FBXL17: variants seen among roughly 807,000 people sequenced by gnomAD.
FBXL17 encodes the protein F-box/LRR-repeat protein 17.
A neutral mutation model predicts 66.2 loss-of-function variants in FBXL17; 22 were observed. That is an observed-to-expected ratio of 0.33 (90% confidence interval 0.24 to 0.47). The LOEUF (loss-of-function observed/expected upper bound fraction) is 0.47. Among genes scored for constraint, FBXL17 ranks in the 20% least tolerant of loss-of-function variants. FBXL17 has a pLI of 1.00. For synonymous variants in FBXL17, 474 were observed against 400.5 expected, an observed-to-expected ratio of 1.18 and a Z score of -2.19; for missense variants, 878 against 948.2, an observed-to-expected ratio of 0.93 and a Z score of 0.97.
intron 4 of FBXL17, among the ~76,000 whole-genome samples, chr5:108,344,184 G>GC (rs976110473): frequency 7.2e-5 from 11 of 151,988 alleles, no homozygotes; most frequent in Non-Finnish European, 1.5e-4. Flanking sequence ...AGGGGGTCGG[G>GC]GGGGAAAGCC....
chr5:108,369,517 T>C (rs750102420), intron 1 of FBXL17, among the ~76,000 whole-genome samples: 1 of 152,190 alleles, frequency 6.6e-6, no homozygotes, highest in Non-Finnish European at 1.5e-5. Context: ...CAACACTGGA[T>C]AACGAATATA....
At chr5:108,288,212 C>A (rs1446918347) in intron 4 of FBXL17, among the ~76,000 whole-genome samples, 1 of 151,518 alleles carries the variant, frequency 6.6e-6, no homozygotes, top group African/African-American at 2.4e-5. Flanking sequence ...CAAACCCCCA[C>A]AACATGCAAT....
In FBXL17 at chr5:107,969,564, C is replaced by T. The variant is rs376197035; in HGVS notation, c.1822+51361G>A. The stretch of plus-strand genomic sequence containing the variant: ...GAACAAAGTTAAGTCAATTCAGATG[C>T]CCTTGTTAAAATATTTTTTCCCCTT... On this transcript the variant is annotated intron_variant, in intron 7 of 8. Transcript: ENST00000542267. Among the ~76,000 whole-genome samples, 147 of 152,188 alleles carry T rather than the reference C, an allele frequency of 9.7e-4. 2 individuals carry two copies. In the South Asian group the frequency reaches 0.029, roughly 30 times the overall value.
intron 6 of FBXL17, among the ~76,000 whole-genome samples, chr5:108,056,740 C>T (rs1430520192): frequency 6.6e-6 from 1 of 152,214 alleles, no homozygotes; most frequent in Non-Finnish European, 1.5e-5. Flanking sequence ...TAAAAATAGA[C>T]ACCTAGTCCA....
rs540492364 is a variant in FBXL17, at chr5:108,087,105, G to A, written c.1746-66104C>T. 4.6e-5 allele frequency among the ~76,000 whole-genome samples: 7 copies of A among 152,286 alleles called. No homozygotes were observed. In the South Asian group the frequency reaches 1.2e-3, roughly 27 times the overall value. On this transcript the variant is annotated intron_variant, in intron 6 of 8. Coordinates refer to ENST00000542267, the MANE Select transcript of FBXL17 (RefSeq NM_001163315.3). ...GAACACTCTGGTGAATGGAGCTGGA[G>A]CTGATGGATTGAGGAAATTCTGAAA... is the stretch of plus-strand genomic sequence containing the variant.
In FBXL17 at chr5:108,140,253, C is replaced by T. The variant is rs1751300361; in HGVS notation, c.1745+45864G>A. 2.0e-5 allele frequency among the ~76,000 whole-genome samples: 3 copies of T among 152,096 alleles called. 1 individual carries two copies. The South Asian group carries it at 6.2e-4, about 32-fold the overall frequency. Reference sequence around the variant, plus strand: ...TACAGATGGGGTCTCACTATGTTGCCCAGGCTGGCCTCCAACTCCTGGGGT... The same window carrying T: ...TACAGATGGGGTCTCACTATGTTGCTCAGGCTGGCCTCCAACTCCTGGGGT... On this transcript the variant is annotated intron_variant, in intron 6 of 8. Coordinates refer to ENST00000542267, the MANE Select transcript of FBXL17 (RefSeq NM_001163315.3).
At chr5:107,969,450 A>C (rs940970220) in intron 7 of FBXL17, among the ~76,000 whole-genome samples, 6 of 152,202 alleles carry the variant, frequency 3.9e-5, no homozygotes, top group African/African-American at 1.4e-4. Flanking sequence ...TTTATATAGA[A>C]CACCCAAATA....
chr5:108,215,675 G>A (rs1015719388), intron 5 of FBXL17, among the ~76,000 whole-genome samples: 1 of 152,106 alleles, frequency 6.6e-6, no homozygotes, highest in Non-Finnish European at 1.5e-5. Flanking sequence ...TCAATTTCTT[G>A]AGAGTATCCT....
chr5:107,939,282 T>C (rs1173925588), intron 7 of FBXL17, among the ~76,000 whole-genome samples: 3 of 152,168 alleles, frequency 2.0e-5, no homozygotes, highest in Non-Finnish European at 4.4e-5. Flanking sequence ...GTTGAATTCA[T>C]ATAATTCTCC....
rs375372728 is a variant in FBXL17 at position 108,222,112 on chromosome 5, A to G, written c.1614+2009T>C. On this transcript the variant is annotated intron_variant, in intron 5 of 8. Transcript: ENST00000542267. ...CCATTTCAGCAAATTGAGCTTTCCA[A>G]TGCAGACATTTGCTGTAGCTGTGTT... is the stretch of plus-strand genomic sequence containing the variant. Among the ~76,000 whole-genome samples, 3 of 152,334 alleles carry G rather than the reference A, an allele frequency of 2.0e-5. No individual in the cohort carries two copies. The East Asian group carries it at 5.8e-4, about 29-fold the overall frequency.
chr5:107,946,180 A>G (rs1476018218), intron 7 of FBXL17, among the ~76,000 whole-genome samples: 2 of 143,598 alleles, frequency 1.4e-5, no homozygotes, highest in South Asian at 2.2e-4. Context: ...CAGACATATG[A>G]GTGTAATTAA....
intron 6 of FBXL17, among the ~76,000 whole-genome samples, chr5:108,027,001 T>C (rs1337634973): frequency 6.6e-6 from 1 of 152,070 alleles, no homozygotes; most frequent in Admixed American, 6.6e-5. Context: ...TGGACCACTC[T>C]CTCCTTGAGT....
rs547158671 is a variant in FBXL17 at position 108,153,648 on chromosome 5, C to T, written c.1745+32469G>A. Among the ~76,000 whole-genome samples the T allele has an allele frequency of 8.5e-5, 13 of 152,188 alleles. No homozygotes were observed. In the East Asian group the frequency reaches 2.3e-3, roughly 27 times the overall value. On this transcript the variant is annotated intron_variant, in intron 6 of 8. Transcript: ENST00000542267. ...TCAGCACTTGGTCCATGGACAATAA[C>T]ATCTGTGACTAAGAGTTAGGAAATT...
At position 107,860,907 on chromosome 5, in the gene FBXL17, T is replaced by C. The variant is rs1281980868; in HGVS notation, c.*813A>G. 1 of 152,208 alleles carries C rather than the reference T, an allele frequency of 6.6e-6. No homozygotes were observed. The highest frequency in any genetic ancestry group is 2.4e-5 in the African/African-American group (1 of 41,466). The allele number at this position is 152,208 out of a possible 1,614,324, so 9.4% of individuals were successfully genotyped here. On this transcript the variant is annotated 3_prime_UTR_variant, in exon 9 of 9. Coordinates refer to ENST00000542267, the MANE Select transcript of FBXL17 (RefSeq NM_001163315.3). ...ATGCTAAGATTAGTTTCAAATATCA[T>C]TAAAATATATCCTGACCAGTTACTA...
chr5:108,273,065 C>A (rs558763618), intron 4 of FBXL17, among the ~76,000 whole-genome samples: 1 of 152,070 alleles, frequency 6.6e-6, no homozygotes, highest in African/African-American at 2.4e-5. Flanking sequence ...CCACAAAAAC[C>A]GGCAAGTTTT....
chr5:107,938,473 G>A (rs573877919), intron 7 of FBXL17, among the ~76,000 whole-genome samples: 3 of 152,086 alleles, frequency 2.0e-5, no homozygotes, highest in Non-Finnish European at 2.9e-5. Flanking sequence ...TAGTGACATC[G>A]GTCTTCACAA....
chr5:108,304,179 G>A lies in FBXL17; in HGVS notation c.1506+44220C>T, dbSNP rs577334533. On this transcript the variant is annotated intron_variant, in intron 4 of 8. Coordinates refer to ENST00000542267, the MANE Select transcript of FBXL17 (RefSeq NM_001163315.3). ...TTTGATAGTTGTTTTAAATAAATTCGCAGCAGCCAAAATTTCTATGAAAAT... is the reference window on the plus strand; with the variant it reads ...TTTGATAGTTGTTTTAAATAAATTCACAGCAGCCAAAATTTCTATGAAAAT... Among the ~76,000 whole-genome samples the A allele has an allele frequency of 3.0e-4, 45 of 151,852 alleles. 1 individual carries two copies. Among genetic ancestry groups the A allele is most frequent in the South Asian group, 2.3e-3 (11 of 4,804 alleles).
chr5:108,304,871 C>T (rs1222865805), intron 4 of FBXL17, among the ~76,000 whole-genome samples: 1 of 151,946 alleles, frequency 6.6e-6, no homozygotes, highest in Non-Finnish European at 1.5e-5. Flanking sequence ...CCTTGTCCTT[C>T]TCTATAATAA....
intron 6 of FBXL17, among the ~76,000 whole-genome samples, chr5:108,033,484 C>G (rs1172656161): frequency 3.3e-5 from 5 of 152,120 alleles, no homozygotes; most frequent in African/African-American, 1.2e-4. Flanking sequence ...CCACCGAGTT[C>G]CTTCATGCCC....
Sources: gnomAD v4.1 joint callset for allele counts (sites outside exome capture counted in the v4.1 genomes callset) on GRCh38, gnomAD v4.1.1 for gene constraint, MANE v1.5 for transcripts, NCBI Gene and HGNC (gene_info 2026-07-23, HGNC 2026-07-21) for gene names.